Variants in USP40 observed in about 807,000 individuals in gnomAD.
The protein encoded by USP40 is ubiquitin specific peptidase 40.
In USP40, 143 loss-of-function variants were observed where a neutral mutation model predicts 166.2. The ratio of observed to expected loss-of-function variants is 0.86; its 90% CI spans 0.75 to 0.99. USP40 has a LOEUF of 0.99. Ranked by LOEUF, USP40 falls within the 50% of genes least tolerant of loss-of-function variation. The pLI, the probability that USP40 is intolerant of heterozygous loss-of-function variation, is 0.00. For missense variants in USP40, 1,444 were observed against 1,479.7 expected (o/e 0.98, Z 0.40); for synonymous variants, 498 against 524.0 (o/e 0.95, Z 0.68).
intron 11 of USP40, among the ~76,000 whole-genome samples, chr2:233,532,306 GC>G (rs1428622032): frequency 6.6e-6 from 1 of 152,148 alleles, no homozygotes; most frequent in Admixed American, 6.5e-5. Flanking sequence ...CTTCAACCTA[GC>G]CTCTGATTGG....
chr2:233,481,094 C>T (rs2064553080), intron 31 of USP40, 109 bp downstream of exon 31: 2 of 1,025,554 alleles, frequency 2.0e-6, no homozygotes, highest in Non-Finnish European at 1.4e-6. Context: ...GCTTTGTGTG[C>T]ACTCTGAATC....
chr2:233,514,134 G>A (rs911497168), intron 18 of USP40, among the ~76,000 whole-genome samples: 1 of 152,202 alleles, frequency 6.6e-6, no homozygotes, highest in East Asian at 1.9e-4. Context: ...TATTGGCTAC[G>A]TGCCAGGCAC....
At position 233,477,439 on chromosome 2, in the gene USP40, G is replaced by T; in HGVS notation, c.3664C>A (p.Arg1222=). The stretch of plus-strand genomic sequence containing the variant: ...ATGGAGAGAGAAGTTTCCGGGGCTC[G>T]GGGCCGGGCAGGCGTCTCTGCACTG... ...LSSAETPARP[R]APETSLSIHV... is the part of the protein sequence containing the mutation. Residue 1222 remains arginine, a synonymous_variant, in exon 32 of 32, where the codon CGA becomes AGA. Coordinates refer to ENST00000678225, the MANE Select transcript of USP40 (RefSeq NM_001365479.2). The T allele has an allele frequency of 6.2e-7, 1 of 1,613,810 alleles. No homozygotes were observed. Among genetic ancestry groups the T allele is most frequent in the Non-Finnish European group, 8.5e-7 (1 of 1,179,878 alleles).
intron 24 of USP40, among the ~76,000 whole-genome samples, chr2:233,494,837 A>C (rs1219414751): frequency 2.1e-5 from 3 of 144,064 alleles, no homozygotes; most frequent in Non-Finnish European, 4.5e-5. Flanking sequence ...AAAAAAAAAA[A>C]AAAAACCAAA....
intron 31 of USP40, 123 bp downstream of exon 31, chr2:233,481,080 G>C: frequency 1.1e-6 from 1 of 874,276 alleles, no homozygotes; most frequent in Non-Finnish European, 1.8e-6. Flanking sequence ...CGCCACACTG[G>C]TGTGCTTTGT....
chr2:233,543,574 G>A (rs1052556306), intron 8 of USP40, among the ~76,000 whole-genome samples: 1 of 152,184 alleles, frequency 6.6e-6, no homozygotes, highest in African/African-American at 2.4e-5. Context: ...CAAAAGATGA[G>A]CCCTCATGAA....
intron 4 of USP40, among the ~76,000 whole-genome samples, chr2:233,557,483 A>G (rs2071202274): frequency 6.6e-6 from 1 of 152,250 alleles, no homozygotes. Flanking sequence ...CAAGACTAAC[A>G]CAGTGTTACT....
intron 13 of USP40, among the ~76,000 whole-genome samples, chr2:233,525,996 C>CATTGCAA (rs1243256098): frequency 6.6e-6 from 1 of 152,138 alleles, no homozygotes; most frequent in Non-Finnish European, 1.5e-5. Flanking sequence ...GAATGTCTCC[C>CATTGCAA]ATTGCAAATT....
Position 233,510,978 on chromosome 2 carries a change from C to T in USP40, c.2526+731G>A, listed in dbSNP as rs534126921. 1.6e-4 allele frequency among the ~76,000 whole-genome samples: 23 copies of T among 148,310 alleles called. No homozygotes were observed. The East Asian group carries it at 4.2e-3, about 27-fold the overall frequency. On this transcript the variant is annotated intron_variant, in intron 20 of 31. Transcript: ENST00000678225. Reference sequence around the variant, plus strand: ...TTCCCTCCTATCAGCTTGTCATGCACTACTATTTGCTACGGTTCAGGGGAA... The same window carrying T: ...TTCCCTCCTATCAGCTTGTCATGCATTACTATTTGCTACGGTTCAGGGGAA...
At chr2:233,565,598 CT>C (rs2072074374) in intron 1 of USP40, 25 bp from the exon 2 acceptor site, 1 of 1,509,692 alleles carries the variant, frequency 6.6e-7, no homozygotes, top group Non-Finnish European at 8.8e-7. Context: ...CATATAAATG[CT>C]TTTATTTTTA....
chr2:233,528,930 T>C (rs2068270178), intron 12 of USP40, among the ~76,000 whole-genome samples: 1 of 152,230 alleles, frequency 6.6e-6, no homozygotes, highest in African/African-American at 2.4e-5. Context: ...ACCATCTCTT[T>C]AAGTAAGAAT....
intron 2 of USP40, among the ~76,000 whole-genome samples, chr2:233,563,526 ATTCT>A (rs1349850840): frequency 1.3e-5 from 2 of 152,312 alleles, no homozygotes; most frequent in East Asian, 3.9e-4. Flanking sequence ...TGAATGTTAT[ATTCT>A]TTCTAAGTGC....
At chr2:233,563,956 G>C (rs923260113) in intron 2 of USP40, among the ~76,000 whole-genome samples, 2 of 152,126 alleles carry the variant, frequency 1.3e-5, no homozygotes, top group African/African-American at 4.8e-5. Context: ...TTTCTACTTC[G>C]AGTTGTCCTT....
chr2:233,543,858 A>G (rs1374402788), intron 8 of USP40, among the ~76,000 whole-genome samples: 2 of 152,236 alleles, frequency 1.3e-5, no homozygotes, highest in Non-Finnish European at 2.9e-5. Flanking sequence ...TTCCATTTTG[A>G]TGCCCATACA....
Position 233,565,482 on chromosome 2 carries a change from T to C in USP40, c.73A>G (p.Lys25Glu). 6.5e-7 allele frequency: 1 copy of C among 1,537,276 alleles called. No individual in the cohort carries two copies. The highest frequency in any genetic ancestry group is 8.7e-7 in the Non-Finnish European group (1 of 1,146,850). ...GCAGGTGGCTCCAAAGCTTTAGTCTTTAATTTCTTCCCTTTTCCATACTGA... is the reference window on the plus strand; with the variant it reads ...GCAGGTGGCTCCAAAGCTTTAGTCTCTAATTTCTTCCCTTTTCCATACTGA... ...NNQYGKGKKL[K>E]TKALEPPAPR... is the part of the protein sequence containing the mutation. The change falls in exon 2 of 32, where the codon AAG becomes GAG. Residue 25 changes from lysine (K) to glutamate (E), a missense_variant. Coordinates refer to ENST00000678225, the MANE Select transcript of USP40 (RefSeq NM_001365479.2).
Position 233,485,454 on chromosome 2 carries a change from T to C in USP40, c.3504+77A>G, listed in dbSNP as rs1385970533. ...AATGGGATAATCTGTGTCTTGAAGA[T>C]TCAATAAAACGTCTCTATAAAATCA... On this transcript the variant is annotated intron_variant, in intron 30 of 31. Coordinates refer to ENST00000678225, the MANE Select transcript of USP40 (RefSeq NM_001365479.2). 5 of 1,119,800 alleles carry C rather than the reference T, an allele frequency of 4.5e-6. No homozygotes were observed. The African/African-American group carries it at 6.3e-5, about 14-fold the overall frequency. The allele number at this position is 1,119,800 out of a possible 1,614,324, so 69.4% of individuals were successfully genotyped here. A position where few individuals can be genotyped will look rare whatever the true frequency, so the allele number is the denominator to read the frequency against.
chr2:233,489,482 G>A lies in USP40; in HGVS notation c.3014C>T (p.Ala1005Val). ...CTCCAGGAAAGGAGGCAAGGTCATG[G>A]CCTAGAAAAAGAAACAGACATTTCT... The part of the protein sequence containing the change: ...DATLAELKSQ[A>V]MTLPPFLEFG... The change falls in exon 27 of 32, where the codon GCC becomes GTC. Residue 1005 changes from alanine to valine, a missense_variant and splice_region_variant. Transcript: ENST00000678225. 1 of 1,594,120 alleles carries A rather than the reference G, an allele frequency of 6.3e-7. No homozygotes were observed. Among genetic ancestry groups the A allele is most frequent in the Admixed American group, 1.8e-5 (1 of 56,778 alleles).
chr2:233,556,295 AT>A (rs11315224), intron 5 of USP40, among the ~76,000 whole-genome samples: 87,852 of 151,830 alleles, frequency 0.58, 27,808 homozygotes, highest in East Asian at 0.83. Flanking sequence ...CCAATTTCTA[AT>A]TTCCAATTAG....
At chr2:233,478,407 C>CTCTT (rs1491122952) in intron 31 of USP40, among the ~76,000 whole-genome samples, 3 of 152,188 alleles carry the variant, frequency 2.0e-5, no homozygotes, top group African/African-American at 7.2e-5. Context: ...GAATTTACAC[C>CTCTT]TCTTTTATCA....
Sources: gnomAD v4.1 joint callset for allele counts (sites outside exome capture counted in the v4.1 genomes callset) on GRCh38, gnomAD v4.1.1 for gene constraint, MANE v1.5 for transcripts, NCBI Gene and HGNC (gene_info 2026-07-23, HGNC 2026-07-21) for gene names.